Variants in SLC6A13 observed in about 807,000 individuals in gnomAD.
SLC6A13 encodes the protein solute carrier family 6 member 13.
A neutral mutation model predicts 72.9 loss-of-function variants in SLC6A13; 69 were observed. The ratio of observed to expected loss-of-function variants is 0.95; its 90% CI spans 0.78 to 1.16. The LOEUF (loss-of-function observed/expected upper bound fraction) is 1.16. Ranked by LOEUF, SLC6A13 falls within the 50% of genes most tolerant of loss-of-function variation. The pLI is 0.00. For missense variants in SLC6A13, 735 were observed against 760.5 expected (o/e 0.97, Z 0.39); for synonymous variants, 303 against 303.0 (o/e 1.00, Z 0.00).
chr12:229,686 G>A (rs149247872), intron 7 of SLC6A13, among the ~76,000 whole-genome samples: 20 of 152,312 alleles, frequency 1.3e-4, no homozygotes, highest in East Asian at 3.9e-4. Context: ...CCGGGAGCCC[G>A]GAGTCCTCGC....
chr12:259,802 T>C (rs1217609290), intron 2 of SLC6A13, 49 bp downstream of exon 2: 12 of 1,614,102 alleles, frequency 7.4e-6, no homozygotes, highest in African/African-American at 2.7e-5. Flanking sequence ...GAGATGGAAG[T>C]ATCCTCCTTC....
At chr12:245,828 C>G (rs1465747400) in intron 2 of SLC6A13, among the ~76,000 whole-genome samples, 2 of 151,770 alleles carry the variant, frequency 1.3e-5, no homozygotes, top group Non-Finnish European at 2.9e-5. Context: ...AGTAAAAATA[C>G]AAAAATTAGC....
intron 2 of SLC6A13, chr12:259,297 G>A (rs940582124): frequency 2.0e-6 from 2 of 990,620 alleles, no homozygotes; most frequent in Non-Finnish European, 2.4e-6. Flanking sequence ...GGTTATCAAC[G>A]TCATCATCAA....
chr12:250,909 C>T (rs1342256911), intron 2 of SLC6A13, among the ~76,000 whole-genome samples: 1 of 146,146 alleles, frequency 6.8e-6, no homozygotes, highest in African/African-American at 2.5e-5. Flanking sequence ...ATTTTGGGAG[C>T]ATTCTGGGAG....
At chr12:238,090 T>C (rs182450206) in intron 4 of SLC6A13, 80 bp from the exon 5 acceptor site, 398 of 1,583,284 alleles carry the variant, frequency 2.5e-4, no homozygotes, top group Non-Finnish European at 3.2e-4. Flanking sequence ...GGGGTGAAAT[T>C]CTAGGAGAAT....
At chr12:249,957 C>G (rs1942478728) in intron 2 of SLC6A13, among the ~76,000 whole-genome samples, 1 of 151,952 alleles carries the variant, frequency 6.6e-6, no homozygotes, top group Admixed American at 6.5e-5. Context: ...TTTAAAAAAT[C>G]AACATAGTGT....
At chr12:247,612 G>A (rs1591855797) in intron 2 of SLC6A13, among the ~76,000 whole-genome samples, 2 of 152,160 alleles carry the variant, frequency 1.3e-5, no homozygotes, top group African/African-American at 4.8e-5. Context: ...CCTTCAGGGA[G>A]AATGAAATGA....
rs1941172310 is a variant in SLC6A13 at position 220,867 on chromosome 12, C to A, written c.*81G>T. ...CCACTCCAGGTCGGGGGCAGGGAAGCACATGGGGCTGCTTCTGCCACGTTC... is the reference window on the plus strand; with the variant it reads ...CCACTCCAGGTCGGGGGCAGGGAAGAACATGGGGCTGCTTCTGCCACGTTC... On this transcript the variant is annotated 3_prime_UTR_variant, in exon 15 of 15. Coordinates refer to ENST00000343164, the MANE Select transcript of SLC6A13 (RefSeq NM_016615.5). 3 of 1,565,378 alleles carry A rather than the reference C, an allele frequency of 1.9e-6. No individual in the cohort carries two copies. The highest frequency in any genetic ancestry group is 1.7e-5 in the Admixed American group (1 of 58,254).
intron 7 of SLC6A13, among the ~76,000 whole-genome samples, chr12:233,087 C>A (rs1010253215): frequency 3.9e-5 from 6 of 152,240 alleles, no homozygotes; most frequent in Admixed American, 3.3e-4. Flanking sequence ...CTGGGAGCCA[C>A]CCGCCCTTAT....
chr12:261,762 C>T (rs370475688), intron 1 of SLC6A13, among the ~76,000 whole-genome samples: 48 of 152,104 alleles, frequency 3.2e-4, no homozygotes, highest in Admixed American at 2.0e-3. Flanking sequence ...CCCGTCTCTA[C>T]GAAAAGTACA....
At chr12:261,202 T>A (rs1011909668) in intron 1 of SLC6A13, among the ~76,000 whole-genome samples, 3 of 152,252 alleles carry the variant, frequency 2.0e-5, no homozygotes, top group Admixed American at 6.5e-5. Flanking sequence ...GGCCCACATT[T>A]AGTTAGCAAC....
chr12:226,609 C>T (rs74962411), intron 8 of SLC6A13, 95 bp from the exon 9 acceptor site: 222 of 1,460,482 alleles, frequency 1.5e-4, no homozygotes, highest in Non-Finnish European at 1.8e-4. Context: ...CCCCTCCTGG[C>T]GGACACTGTC....
intron 2 of SLC6A13, among the ~76,000 whole-genome samples, chr12:252,475 T>C (rs973836471): frequency 2.0e-5 from 3 of 152,244 alleles, no homozygotes; most frequent in Non-Finnish European, 4.4e-5. Flanking sequence ...TTGTACACTT[T>C]AACTATGTGT....
chr12:260,585 G>A (rs1024127082), intron 1 of SLC6A13, among the ~76,000 whole-genome samples: 11 of 152,258 alleles, frequency 7.2e-5, no homozygotes, highest in East Asian at 3.9e-4. Flanking sequence ...GCGAAAAATC[G>A]GAAAGTACAT....
chr12:220,631 A>C lies in SLC6A13; in HGVS notation c.*317T>G. The C allele has an allele frequency of 3.1e-6, 1 of 318,856 alleles. No individual in the cohort carries two copies. The allele number at this position is 318,856 out of a possible 1,614,324, so 19.8% of individuals were successfully genotyped here. On this transcript the variant is annotated 3_prime_UTR_variant, in exon 15 of 15. Transcript: ENST00000343164. ...ACAGAACCGCTAGCAGTCAGCGGGAAGAATGTGGATTTAATGGAATGAAGG... is the reference window on the plus strand; with the variant it reads ...ACAGAACCGCTAGCAGTCAGCGGGACGAATGTGGATTTAATGGAATGAAGG...
At position 242,700 on chromosome 12, in the gene SLC6A13, A is replaced by G. The variant is rs1375831288; in HGVS notation, c.392T>C (p.Ile131Thr). 8 of 1,609,518 alleles carry G rather than the reference A, an allele frequency of 5.0e-6. No homozygotes were observed. Among genetic ancestry groups the G allele is most frequent in the Admixed American group, 1.7e-5 (1 of 59,312 alleles). The change falls in exon 4 of 15, where the codon ATT (isoleucine) becomes ACT (threonine). Residue 131 changes from isoleucine to threonine, a missense_variant. Transcript: ENST00000343164. The part of the protein sequence containing the change: ...IVILLNVYYI[I>T]VLAWALFYLF... ...GTAGAACAGGGCCCAGGCCAACACA[A>G]TGATGTAGTAGACGTTGAGGAGGAT...
At chr12:222,991 AT>A (rs905656047) in intron 12 of SLC6A13, 140 bp downstream of exon 12, 40 of 611,354 alleles carry the variant, frequency 6.5e-5, no homozygotes, top group East Asian at 5.8e-4. Flanking sequence ...GCAATTTAGG[AT>A]TTGCAAGATT....
intron 11 of SLC6A13, 53 bp from the exon 12 acceptor site, chr12:223,287 G>A (rs1008994335): frequency 8.3e-7 from 1 of 1,201,756 alleles, no homozygotes; most frequent in Non-Finnish European, 1.2e-6. Context: ...GAAACAGAAA[G>A]ATTCACTCCT....
At chr12:255,576 G>A (rs988428960) in intron 2 of SLC6A13, among the ~76,000 whole-genome samples, 1 of 152,220 alleles carries the variant, frequency 6.6e-6, no homozygotes, top group Admixed American at 6.5e-5. Flanking sequence ...CGCGCCTGTA[G>A]TCCCAGCTAC....
Sources: allele counts gnomAD v4.1 joint callset (sites outside exome capture counted in the v4.1 genomes callset), GRCh38; gene constraint gnomAD v4.1.1; transcripts MANE v1.5; gene names NCBI Gene and HGNC (gene_info 2026-07-23, HGNC 2026-07-21).